Variants in EMX1 observed in about 807,000 individuals in gnomAD.
EMX1 encodes the protein empty spiracles homeobox 1.
Under a neutral mutation model 20.1 loss-of-function variants are expected in EMX1, and 10 were observed. The ratio of observed to expected loss-of-function variants is 0.50; its 90% confidence interval spans 0.31 to 0.84. EMX1 has a LOEUF of 0.84. Among genes scored for constraint, EMX1 ranks in the 40% least tolerant of loss-of-function variants. The pLI is 0.05. For missense variants in EMX1, 424 were observed against 431.9 expected (o/e 0.98, Z 0.16); for synonymous variants, 250 against 200.4 (o/e 1.25, Z -2.09).
Position 72,917,820 on chromosome 2 carries a change from G to T in EMX1, c.-33G>T. 7.7e-7 allele frequency: 1 copy of T among 1,294,202 alleles called. No individual in the cohort carries two copies. The highest frequency in any genetic ancestry group is 9.8e-7 in the Non-Finnish European group (1 of 1,025,320). The allele number at this position is 1,294,202 out of a possible 1,614,324, so 80.2% of individuals were successfully genotyped here. A position where few individuals can be genotyped will look rare whatever the true frequency, so the allele number is the denominator to read the frequency against. On this transcript the variant is annotated 5_prime_UTR_variant, in exon 1 of 3. Transcript: ENST00000258106. ...CGCGGGGGCCGAGCGCGAGCGGGCG[G>T]GCGGGGGAGGTGAGGGGTGCGGGCG...
intron 2 of EMX1, chr2:72,925,327 A>G: frequency 9.0e-7 from 1 of 1,111,038 alleles, no homozygotes; most frequent in South Asian, 1.8e-5. Flanking sequence ...AAGGGAAAAA[A>G]TTAAAGAATT....
intron 1 of EMX1, among the ~76,000 whole-genome samples, chr2:72,922,107 C>G (rs1671113534): frequency 6.6e-6 from 1 of 152,228 alleles, no homozygotes; most frequent in African/African-American, 2.4e-5. Context: ...CCAACCTGGG[C>G]CAGCCCAGCA....
At chr2:72,927,851 T>G (rs1671229106) in intron 2 of EMX1, among the ~76,000 whole-genome samples, 1 of 152,238 alleles carries the variant, frequency 6.6e-6, no homozygotes, top group Non-Finnish European at 1.5e-5. Context: ...AAATACACAC[T>G]AACTTTATCA....
At chr2:72,922,780 C>T in intron 1 of EMX1, among the ~76,000 whole-genome samples, 1 of 152,218 alleles carries the variant, frequency 6.6e-6, no homozygotes, top group African/African-American at 2.4e-5. Flanking sequence ...CAATTATCTG[C>T]TTTTGATTCA....
rs1367154898 is a variant in EMX1 at position 72,918,188 on chromosome 2, C to T, written c.336C>T (p.Tyr112=). The T allele has an allele frequency of 1.9e-6, 3 of 1,550,856 alleles. No homozygotes were observed. The highest frequency in any genetic ancestry group is 2.3e-5 in the South Asian group (2 of 85,472). The change falls in exon 1 of 3, where the codon TAC becomes TAT. Residue 112 remains tyrosine (Y), a synonymous_variant. Coordinates refer to ENST00000258106, the MANE Select transcript of EMX1 (RefSeq NM_004097.3). The part of the protein sequence containing the change: ...AAAAGAGRSL[Y]GGPELVFPEA... The stretch of plus-strand genomic sequence containing the variant: ...CCGCGGGCGCGGGCCGCTCGCTCTA[C>T]GGTGGGCCCGAGCTCGTGTTCCCCG...
intron 2 of EMX1, chr2:72,926,334 TC>T (rs1255147889): frequency 9.3e-6 from 9 of 968,544 alleles, no homozygotes; most frequent in Non-Finnish European, 1.1e-5. Context: ...ATGAGACATT[TC>T]AAACATATAT....
At chr2:72,933,750 T>C (rs1559062446) in intron 2 of EMX1, 37 bp from the exon 3 acceptor site, 1 of 1,610,418 alleles carries the variant, frequency 6.2e-7, no homozygotes. Context: ...GGGGGCCTCC[T>C]GAGTTTCTCA....
At chr2:72,929,683 G>T (rs907181596) in intron 2 of EMX1, among the ~76,000 whole-genome samples, 1 of 152,284 alleles carries the variant, frequency 6.6e-6, no homozygotes, top group Non-Finnish European at 1.5e-5. Flanking sequence ...GAAAAAGAAG[G>T]GATCCAGACC....
chr2:72,925,622 C>CAGT (rs1046552454), intron 2 of EMX1: 149 of 1,219,016 alleles, frequency 1.2e-4, no homozygotes, highest in Admixed American at 2.6e-4. Context: ...GACCCTACTA[C>CAGT]ACCACCGTCC....
chr2:72,927,400 C>G (rs1355723489), intron 2 of EMX1, among the ~76,000 whole-genome samples: 1 of 152,170 alleles, frequency 6.6e-6, no homozygotes, highest in African/African-American at 2.4e-5. Flanking sequence ...AGGGTTTTTT[C>G]TAGTGCTGAG....
At chr2:72,917,411 A>C, upstream of EMX1, 1 of 215,572 alleles carries the variant, frequency 4.6e-6, no homozygotes, top group Non-Finnish European at 9.1e-6. Flanking sequence ...TTTGCCTCCG[A>C]CTGCGGGCTC....
chr2:72,918,094 C>A lies in EMX1; in HGVS notation c.242C>A (p.Thr81Lys). ...GCCTCCGAGGAACCGCTCCGGCCCA[C>A]GGCGCTCAACTACCCTCACCCCAGC... ...AAASEEPLRP[T>K]ALNYPHPSAA... The change falls in exon 1 of 3, where the codon ACG becomes AAG. Residue 81 changes from threonine (T) to lysine (K), a missense_variant. Thr to Lys is a moderately conservative substitution (Grantham distance 78, BLOSUM62 -1). This residue lies in a region of EMX1 where 333 missense variants were observed against 296.6 expected (regional missense o/e 1.12). Transcript: ENST00000258106. 1 of 1,448,860 alleles carries A rather than the reference C, an allele frequency of 6.9e-7. No individual in the cohort carries two copies. Among genetic ancestry groups the A allele is most frequent in the Non-Finnish European group, 9.0e-7 (1 of 1,110,700 alleles). The allele number at this position is 1,448,860 out of a possible 1,614,324, so 89.8% of individuals were successfully genotyped here. A position where few individuals can be genotyped will look rare whatever the true frequency, so the allele number is the denominator to read the frequency against.
chr2:72,927,346 G>T (rs1175655759), intron 2 of EMX1, among the ~76,000 whole-genome samples: 1 of 152,108 alleles, frequency 6.6e-6, no homozygotes, highest in African/African-American at 2.4e-5. Flanking sequence ...CTCTGGGTCT[G>T]GGCCTCAGTT....
chr2:72,925,302 A>C (rs536349671), intron 2 of EMX1: 1 of 1,034,556 alleles, frequency 9.7e-7, no homozygotes, highest in Non-Finnish European at 1.2e-6. Context: ...TGTTTTTGTA[A>C]CTGATCGTTA....
intron 1 of EMX1, among the ~76,000 whole-genome samples, chr2:72,920,774 G>C (rs1040486704): frequency 1.3e-5 from 2 of 152,250 alleles, no homozygotes; most frequent in African/African-American, 2.4e-5. Context: ...GGACTCCGAA[G>C]GTCGGGGCCG....
Position 72,917,798 on chromosome 2 carries a change from G to T in EMX1, c.-55G>T. 7.9e-7 allele frequency: 1 copy of T among 1,258,672 alleles called. No homozygotes were observed. 78.0% of individuals were successfully genotyped at this position (1,258,672 alleles called of 1,614,324 possible). On this transcript the variant is annotated 5_prime_UTR_variant, in exon 1 of 3. Transcript: ENST00000258106. ...GCCGCTCCGCGCCTGGCTCGCCCGC[G>T]GGGGCCGAGCGCGAGCGGGCGGGCG...
rs1437923481 is a variant in EMX1 at position 72,928,514 on chromosome 2, G to C, written c.705+4021G>C. ...TGTGTTCGTGTGTGTGTCGGGGGCA[G>C]GGGTAAGTTAGTTTTAGGGGGAGTG... On this transcript the variant is annotated intron_variant, in intron 2 of 2. Coordinates refer to ENST00000258106, the MANE Select transcript of EMX1 (RefSeq NM_004097.3). Among the ~76,000 whole-genome samples the C allele has an allele frequency of 4.6e-5, 7 of 152,300 alleles. No homozygotes were observed. In the East Asian group the frequency reaches 1.3e-3, roughly 29 times the overall value.
upstream of EMX1, chr2:72,916,622 G>C: frequency 1.5e-6 from 1 of 684,704 alleles, no homozygotes; most frequent in Non-Finnish European, 2.7e-6. Flanking sequence ...CGGGTGGAAG[G>C]TGAAGGTCGA....
At chr2:72,918,796 C>G (rs1156528703) in intron 1 of EMX1, among the ~76,000 whole-genome samples, 1 of 152,226 alleles carries the variant, frequency 6.6e-6, no homozygotes, top group Non-Finnish European at 1.5e-5. Flanking sequence ...AGACCTCAGC[C>G]TTCGCTGGCG....
Sources: gnomAD v4.1 joint callset for allele counts (sites outside exome capture counted in the v4.1 genomes callset) on GRCh38, gnomAD v4.1.1 for gene constraint, gnomAD v4.1.1 regional missense constraint, MANE v1.5 for transcripts, NCBI Gene and HGNC (gene_info 2026-07-23, HGNC 2026-07-21) for gene names.